NRXN1: variants seen among roughly 807,000 people sequenced by gnomAD.
The protein encoded by NRXN1 is neurexin 1.
A neutral mutation model predicts 150.9 loss-of-function variants in NRXN1; 39 were observed. That is an observed-to-expected ratio of 0.26 (90% CI 0.20 to 0.34). NRXN1 has a LOEUF of 0.34. NRXN1 is among the 10% of genes least tolerant of loss of function. The probability of loss-of-function intolerance (pLI) is 1.00; values close to 1 mark genes in which losing one functional copy is unlikely to be tolerated. For missense variants in NRXN1, 1,815 were observed against 1,949.9 expected, an observed-to-expected ratio of 0.93 and a Z score of 1.30; for synonymous variants, 924 against 757.0, an observed-to-expected ratio of 1.22 and a Z score of -3.62.
At chr2:50,753,813 G>T (rs996660721) in intron 5 of NRXN1, among the ~76,000 whole-genome samples, 2 of 151,790 alleles carry the variant, frequency 1.3e-5, no homozygotes, top group Admixed American at 1.3e-4. Context: ...ATCCCTAAGT[G>T]AGAGAATTTT....
chr2:50,751,602 G>C (rs190929954), intron 5 of NRXN1, among the ~76,000 whole-genome samples: 3 of 151,932 alleles, frequency 2.0e-5, no homozygotes, highest in Non-Finnish European at 4.4e-5. Context: ...GCCCATCTTC[G>C]GTCAGCACAT....
intron 18 of NRXN1, among the ~76,000 whole-genome samples, chr2:50,171,522 TAGAGTGTTA>T (rs1437369858): frequency 1.3e-5 from 2 of 152,124 alleles, no homozygotes; most frequent in Admixed American, 1.3e-4. Context: ...AGACATAGTT[TAGAGTGTTA>T]CTTCAACTGG....
chr2:50,730,745 T>C (rs1186704207), intron 5 of NRXN1, among the ~76,000 whole-genome samples: 3 of 145,256 alleles, frequency 2.1e-5, no homozygotes, highest in Non-Finnish European at 4.5e-5. Flanking sequence ...CGATCTGGGC[T>C]AACTGCAAGC....
chr2:50,851,122 T>C (rs1028885359), intron 5 of NRXN1, among the ~76,000 whole-genome samples: 1 of 152,084 alleles, frequency 6.6e-6, no homozygotes, highest in African/African-American at 2.4e-5. Context: ...AAGATAAAAA[T>C]ACATGCAATG....
At chr2:50,511,626 T>C (rs565386327) in intron 12 of NRXN1, among the ~76,000 whole-genome samples, 2 of 152,262 alleles carry the variant, frequency 1.3e-5, no homozygotes, top group East Asian at 3.9e-4. Flanking sequence ...GTAAATTGAG[T>C]GTTCTTCCAC....
rs114931443 is a variant in NRXN1 at position 50,667,469 on chromosome 2, T to A, written c.833-43854A>T. Among the ~76,000 whole-genome samples the A allele has an allele frequency of 8.0e-3, 1,210 of 152,092 alleles. 9 individuals carry two copies. The highest frequency in any genetic ancestry group is 0.028 in the African/African-American group (1,146 of 41,558). ...AGTATATCAATTTCTGTGAAATAAA[T>A]AGCATTCTGCAAGTAATGATATGTT... is the stretch of plus-strand genomic sequence containing the variant. On this transcript the variant is annotated intron_variant, in intron 5 of 22. Transcript: ENST00000401669.
intron 18 of NRXN1, among the ~76,000 whole-genome samples, chr2:50,179,325 A>G (rs889816776): frequency 2.0e-5 from 3 of 152,080 alleles, no homozygotes; most frequent in Admixed American, 6.6e-5. Flanking sequence ...GGGACCACCT[A>G]AAGTGATTTG....
At chr2:49,942,348 A>G (rs1415301305) in intron 22 of NRXN1, among the ~76,000 whole-genome samples, 1 of 152,150 alleles carries the variant, frequency 6.6e-6, no homozygotes, top group East Asian at 1.9e-4. Context: ...TAAGCGCTAC[A>G]GTCAGTGGTT....
At chr2:50,305,924 A>G (rs550682957) in intron 17 of NRXN1, among the ~76,000 whole-genome samples, 19 of 152,234 alleles carry the variant, frequency 1.2e-4, no homozygotes, top group Non-Finnish European at 1.9e-4. Flanking sequence ...TTCTTTCATG[A>G]TCAATTTAGC....
At chr2:50,285,175 G>T (rs1369455024) in intron 17 of NRXN1, among the ~76,000 whole-genome samples, 1 of 152,152 alleles carries the variant, frequency 6.6e-6, no homozygotes, top group Non-Finnish European at 1.5e-5. Context: ...AACAAACATG[G>T]TGTGCCCACT....
intron 2 of NRXN1, among the ~76,000 whole-genome samples, chr2:51,006,300 A>C (rs977339758): frequency 6.6e-6 from 1 of 151,744 alleles, no homozygotes; most frequent in African/African-American, 2.4e-5. Flanking sequence ...CAAGGACAAA[A>C]AACCAAACAC....
chr2:50,730,674 T>TTC (rs1554022983), intron 5 of NRXN1, among the ~76,000 whole-genome samples: 4 of 142,904 alleles, frequency 2.8e-5, no homozygotes, highest in African/African-American at 1.0e-4. Flanking sequence ...CTTGTTTTCT[T>TTC]TTTTTTTTTT....
chr2:51,011,741 C>A (rs555075954), intron 2 of NRXN1, among the ~76,000 whole-genome samples: 8 of 152,058 alleles, frequency 5.3e-5, no homozygotes, highest in African/African-American at 1.9e-4. Context: ...CAAGTGCTTG[C>A]CTGCCATTCT....
intron 18 of NRXN1, among the ~76,000 whole-genome samples, chr2:50,233,458 A>C (rs972148711): frequency 2.0e-5 from 3 of 152,076 alleles, no homozygotes; most frequent in Non-Finnish European, 4.4e-5. Context: ...TCAAATATTC[A>C]AATCTTCATT....
intron 5 of NRXN1, among the ~76,000 whole-genome samples, chr2:50,813,645 A>G (rs1668532311): frequency 6.6e-6 from 1 of 152,182 alleles, no homozygotes. Context: ...AGTTATTACT[A>G]AGTCTGAATC....
chr2:50,564,469 G>A (rs574656166), intron 8 of NRXN1, among the ~76,000 whole-genome samples: 38 of 151,964 alleles, frequency 2.5e-4, no homozygotes, highest in Non-Finnish European at 5.0e-4. Context: ...CATCTCTCTG[G>A]AACTCTACAT....
chr2:50,062,097 T>C (rs1023489945), intron 19 of NRXN1, among the ~76,000 whole-genome samples: 2 of 152,172 alleles, frequency 1.3e-5, no homozygotes, highest in African/African-American at 4.8e-5. Flanking sequence ...GAAAATCTGA[T>C]GGCTTATATT....
chr2:50,029,764 G>T (rs978065159), intron 21 of NRXN1, among the ~76,000 whole-genome samples: 12 of 152,218 alleles, frequency 7.9e-5, no homozygotes, highest in Middle Eastern at 3.4e-3. Context: ...GGGCACATTG[G>T]GCTCTGAATT....
intron 5 of NRXN1, among the ~76,000 whole-genome samples, chr2:50,900,586 G>C (rs1042072044): frequency 6.6e-6 from 1 of 152,128 alleles, no homozygotes; most frequent in African/African-American, 2.4e-5. Flanking sequence ...ACTCAAGATA[G>C]CATGAACAGA....
Sources: allele counts gnomAD v4.1 joint callset (sites outside exome capture counted in the v4.1 genomes callset), GRCh38; gene constraint gnomAD v4.1.1; transcripts MANE v1.5; gene names NCBI Gene and HGNC (gene_info 2026-07-23, HGNC 2026-07-21).